The following KCNIP1 variants were observed in gnomAD, a reference collection of about 807,000 sequenced individuals.
KCNIP1 encodes the protein A-type potassium channel modulatory protein KCNIP1.
In KCNIP1, 18 loss-of-function variants were observed where a neutral mutation model predicts 33.0. The observed-to-expected ratio is 0.55, with a 90% CI of 0.38 to 0.81. The LOEUF (loss-of-function observed/expected upper bound fraction) is 0.81. Ranked by LOEUF, KCNIP1 falls within the 30% of genes least tolerant of loss-of-function variation. KCNIP1 has a pLI of 0.00. For missense variants in KCNIP1, 238 were observed against 271.6 expected (o/e 0.88, Z 0.87); for synonymous variants, 93 against 98.3 (o/e 0.95, Z 0.32).
At chr5:170,573,828 A>G (rs1757502615) in intron 1 of KCNIP1, among the ~76,000 whole-genome samples, 1 of 152,236 alleles carries the variant, frequency 6.6e-6, no homozygotes, top group Non-Finnish European at 1.5e-5. Context: ...AGAGCCATAA[A>G]TATTTACTAT....
chr5:170,430,210 G>A (rs1325723351), intron 1 of KCNIP1, among the ~76,000 whole-genome samples: 1 of 152,238 alleles, frequency 6.6e-6, no homozygotes, highest in African/African-American at 2.4e-5. Context: ...GTGGGCGGAA[G>A]GTAGGACCCA....
intron 1 of KCNIP1, among the ~76,000 whole-genome samples, chr5:170,393,858 A>C (rs1167406010): frequency 6.6e-6 from 1 of 152,090 alleles, no homozygotes; most frequent in Non-Finnish European, 1.5e-5. Flanking sequence ...AATTGTAAGC[A>C]CCTTGAAAAT....
At chr5:170,520,242 A>T (rs1755312396) in intron 1 of KCNIP1, among the ~76,000 whole-genome samples, 1 of 152,210 alleles carries the variant, frequency 6.6e-6, no homozygotes, top group Admixed American at 6.5e-5. Flanking sequence ...TTTTAGAGAC[A>T]AGAAAACTGA....
At chr5:170,543,004 C>CATAGA (rs1240232213) in intron 1 of KCNIP1, among the ~76,000 whole-genome samples, 1 of 152,162 alleles carries the variant, frequency 6.6e-6, no homozygotes, top group Non-Finnish European at 1.5e-5. Context: ...GCCAGTTCTT[C>CATAGA]ATAGATGGTG....
chr5:170,475,659 A>G (rs10061523), intron 1 of KCNIP1, among the ~76,000 whole-genome samples: 154 of 152,220 alleles, frequency 1.0e-3, no homozygotes, highest in African/African-American at 3.5e-3. Flanking sequence ...TCCAAACACA[A>G]CTGCAGCAGG....
At position 170,537,118 on chromosome 5, in the gene KCNIP1, A is replaced by G. The variant is rs556729811; in HGVS notation, c.61+32485A>G. 3.9e-5 allele frequency among the ~76,000 whole-genome samples: 6 copies of G among 152,298 alleles called. No individual in the cohort carries two copies. The South Asian group carries it at 8.3e-4, about 21-fold the overall frequency. On this transcript the variant is annotated intron_variant, in intron 1 of 7. Coordinates refer to ENST00000328939, the MANE Select transcript of KCNIP1 (RefSeq NM_014592.4). ...CCACCTCACTTCAGGTTGGTGGCTCAGAGAGGTAGCAGCTCCCATCTAAAT... is the reference window on the plus strand; with the variant it reads ...CCACCTCACTTCAGGTTGGTGGCTCGGAGAGGTAGCAGCTCCCATCTAAAT...
chr5:170,671,959 G>A lies in KCNIP1; in HGVS notation c.62-46799G>A, dbSNP rs533214795. ...ATACACAGTGACAATACAGTGTGTCGAGTGCTACAATAGATGGAGGGGTGC... is the reference window on the plus strand; with the variant it reads ...ATACACAGTGACAATACAGTGTGTCAAGTGCTACAATAGATGGAGGGGTGC... On this transcript the variant is annotated intron_variant, in intron 1 of 7. Transcript: ENST00000328939. 9.2e-5 allele frequency among the ~76,000 whole-genome samples: 14 copies of A among 152,302 alleles called. 1 individual carries two copies. In the South Asian group the frequency reaches 2.3e-3, roughly 25 times the overall value.
intron 1 of KCNIP1, among the ~76,000 whole-genome samples, chr5:170,697,493 C>T (rs535501433): frequency 6.6e-6 from 1 of 152,148 alleles, no homozygotes; most frequent in Non-Finnish European, 1.5e-5. Flanking sequence ...TAAGGTTGAA[C>T]CTACAGGCTG....
intron 1 of KCNIP1, chr5:170,712,813 G>A (rs772477718): frequency 1.2e-5 from 19 of 1,605,852 alleles, no homozygotes; most frequent in East Asian, 4.5e-5. Context: ...TTTGCTTTTC[G>A]ATGAATCGAT....
intron 1 of KCNIP1, among the ~76,000 whole-genome samples, chr5:170,487,663 A>G (rs1445951836): frequency 1.3e-5 from 2 of 152,014 alleles, no homozygotes; most frequent in African/African-American, 4.8e-5. Context: ...CTGGAACCAC[A>G]GGCGCATGCC....
intron 1 of KCNIP1, among the ~76,000 whole-genome samples, chr5:170,556,563 G>A (rs1756855771): frequency 6.6e-6 from 1 of 152,206 alleles, no homozygotes; most frequent in Admixed American, 6.5e-5. Flanking sequence ...CAACAGGGAA[G>A]AGGGGCAGAG....
At position 170,431,242 on chromosome 5, in the gene KCNIP1, G is replaced by C. The variant is rs1581186042; in HGVS notation, c.88+77278G>C. Among the ~76,000 whole-genome samples, 5 of 152,250 alleles carry C rather than the reference G, an allele frequency of 3.3e-5. No homozygotes were observed. The South Asian group carries it at 1.0e-3, about 32-fold the overall frequency. Reference sequence around the variant, plus strand: ...GCCTTGCTGCCACTGCCTGTCAGGAGACATCTTCTCCAGTTACTCAACAAT... The same window carrying C: ...GCCTTGCTGCCACTGCCTGTCAGGACACATCTTCTCCAGTTACTCAACAAT... On this transcript the variant is annotated intron_variant, in intron 1 of 7. Transcript: ENST00000377360.
At chr5:170,606,084 C>T (rs1352359608) in intron 1 of KCNIP1, among the ~76,000 whole-genome samples, 1 of 152,160 alleles carries the variant, frequency 6.6e-6, no homozygotes, top group Non-Finnish European at 1.5e-5. Context: ...CACTTCATCC[C>T]TTTTTATGGC....
intron 1 of KCNIP1, among the ~76,000 whole-genome samples, chr5:170,365,205 G>A (rs1026491439): frequency 6.6e-6 from 1 of 152,138 alleles, no homozygotes; most frequent in African/African-American, 2.4e-5. Flanking sequence ...CCTGAGGCCT[G>A]GGGAAGGCCA....
At chr5:170,675,984 C>T (rs1762117547) in intron 1 of KCNIP1, among the ~76,000 whole-genome samples, 1 of 151,326 alleles carries the variant, frequency 6.6e-6, no homozygotes, top group South Asian at 2.1e-4. Context: ...TTTAATCTAT[C>T]TGCAGTGTCC....
intron 1 of KCNIP1, among the ~76,000 whole-genome samples, chr5:170,624,688 G>C (rs556517304): frequency 6.9e-6 from 1 of 144,664 alleles, no homozygotes; most frequent in African/African-American, 2.6e-5. Flanking sequence ...GTGGAGGGGA[G>C]GAGAGGAGAG....
chr5:170,667,311 T>TG (rs1581471733), intron 1 of KCNIP1, among the ~76,000 whole-genome samples: 1 of 94,186 alleles, frequency 1.1e-5, no homozygotes, highest in Non-Finnish European at 2.0e-5. Context: ...AAACTCCGTC[T>TG]CAAAAAAAAA....
At chr5:170,354,550 A>G (rs1300222021) in intron 1 of KCNIP1, among the ~76,000 whole-genome samples, 1 of 152,076 alleles carries the variant, frequency 6.6e-6, no homozygotes, top group Non-Finnish European at 1.5e-5. Flanking sequence ...GTCCCTCCAC[A>G]TTTCATGCCT....
intron 1 of KCNIP1, among the ~76,000 whole-genome samples, chr5:170,658,235 G>A (rs926600332): frequency 6.6e-6 from 1 of 152,166 alleles, no homozygotes; most frequent in African/African-American, 2.4e-5. Flanking sequence ...ATTTCTTATG[G>A]TTATGGAGGC....
Sources: gnomAD v4.1 joint callset for allele counts (sites outside exome capture counted in the v4.1 genomes callset) on GRCh38, gnomAD v4.1.1 for gene constraint, MANE v1.5 for transcripts, NCBI Gene and HGNC (gene_info 2026-07-23, HGNC 2026-07-21) for gene names.